The following PCDH15 variants were observed in gnomAD, a reference collection of about 807,000 sequenced individuals.
PCDH15 encodes protocadherin related 15.
In PCDH15, 129 loss-of-function variants were observed where a neutral mutation model predicts 178.5. The ratio of observed to expected loss-of-function variants is 0.72; its 90% CI spans 0.63 to 0.84. The LOEUF is 0.84. PCDH15 is among the 40% of genes least tolerant of loss of function. The probability of loss-of-function intolerance (pLI) is 0.00; values close to 1 mark genes in which losing one functional copy is unlikely to be tolerated. For missense variants in PCDH15, 2,230 were observed against 2,099.9 expected, an observed-to-expected ratio of 1.06 and a Z score of -1.21; for synonymous variants, 800 against 732.0, an observed-to-expected ratio of 1.09 and a Z score of -1.50.
At chr10:54,797,247 TC>T (rs1952128377) in intron 1 of PCDH15, among the ~76,000 whole-genome samples, 1 of 152,018 alleles carries the variant, frequency 6.6e-6, no homozygotes, top group Admixed American at 6.6e-5. Context: ...CAATTTCTTA[TC>T]CATCAAGGAA....
chr10:54,672,570 A>T (rs769347774), intron 1 of PCDH15, among the ~76,000 whole-genome samples: 1 of 152,148 alleles, frequency 6.6e-6, no homozygotes, highest in Non-Finnish European at 1.5e-5. Flanking sequence ...ACTCCAGGTG[A>T]CTTCTTGGAC....
intron 25 of PCDH15, among the ~76,000 whole-genome samples, chr10:53,918,605 A>C (rs2133852288): frequency 6.6e-6 from 1 of 152,300 alleles, no homozygotes; most frequent in Middle Eastern, 3.4e-3. Context: ...GGATTTATAA[A>C]TGTCTATGGT....
intron 2 of PCDH15, among the ~76,000 whole-genome samples, chr10:54,556,904 T>G (rs973255680): frequency 7.3e-5 from 11 of 151,074 alleles, no homozygotes; most frequent in African/African-American, 2.4e-4. Flanking sequence ...GTGGGAGGAG[T>G]AGGAGGCTGT....
rs182906755 is a variant in PCDH15 at position 54,383,048 on chromosome 10, G to A, written c.158-4106C>T. 1.7e-3 allele frequency among the ~76,000 whole-genome samples: 252 copies of A among 152,126 alleles called. 1 individual carries two copies. The highest frequency in any genetic ancestry group is 5.5e-3 in the African/African-American group (229 of 41,542). Reference sequence around the variant, plus strand: ...TAAAAATGAATGTAAGTGGAGGCACGCAACTACCCAATGAATAACATTTTT... The same window carrying A: ...TAAAAATGAATGTAAGTGGAGGCACACAACTACCCAATGAATAACATTTTT... On this transcript the variant is annotated intron_variant, in intron 3 of 37. Transcript: ENST00000644397.
At chr10:55,513,150 A>C (rs1840927091) in intron 2 of PCDH15, 1 of 152,188 alleles carries the variant, frequency 6.6e-6, no homozygotes, top group Admixed American at 6.6e-5. Flanking sequence ...GAAACTTAAG[A>C]GGATCCAACA....
intron 17 of PCDH15, among the ~76,000 whole-genome samples, chr10:54,069,984 C>T (rs72794993): frequency 0.21 from 32,032 of 151,938 alleles, 3,552 homozygotes; most frequent in Non-Finnish European, 0.25. Flanking sequence ...TACGTATTTT[C>T]CATCAACGGA....
At chr10:54,323,507 A>G (rs776721048) in intron 7 of PCDH15, among the ~76,000 whole-genome samples, 1 of 152,218 alleles carries the variant, frequency 6.6e-6, no homozygotes, top group Non-Finnish European at 1.5e-5. Flanking sequence ...AATGTGGTGC[A>G]TATACACCAC....
At chr10:54,158,605 C>A (rs1021738847) in intron 13 of PCDH15, among the ~76,000 whole-genome samples, 5 of 152,044 alleles carry the variant, frequency 3.3e-5, no homozygotes, top group African/African-American at 1.2e-4. Context: ...ATTGCTCTTT[C>A]CTGGTTCTGA....
chr10:54,901,068 T>A (rs1446057335), intron 2 of PCDH15, among the ~76,000 whole-genome samples: 1 of 151,870 alleles, frequency 6.6e-6, no homozygotes, highest in Non-Finnish European at 1.5e-5. Flanking sequence ...AATCCCAACA[T>A]TTTGGAAGGC....
intron 1 of PCDH15, among the ~76,000 whole-genome samples, chr10:55,170,576 G>A (rs550375404): frequency 6.6e-6 from 1 of 152,188 alleles, no homozygotes; most frequent in Admixed American, 6.5e-5. Flanking sequence ...TATGTACAGG[G>A]CACACTGGTA....
At chr10:54,109,161 T>C (rs2094969112) in intron 15 of PCDH15, among the ~76,000 whole-genome samples, 1 of 152,138 alleles carries the variant, frequency 6.6e-6, no homozygotes, top group Non-Finnish European at 1.5e-5. Context: ...ACAACTACTA[T>C]TGGCAACAGT....
intron 2 of PCDH15, among the ~76,000 whole-genome samples, chr10:54,906,675 G>A (rs1287020672): frequency 6.6e-6 from 1 of 152,086 alleles, no homozygotes; most frequent in Non-Finnish European, 1.5e-5. Context: ...AGGAGAGAGA[G>A]TGCCCAACAT....
chr10:55,564,484 C>T (rs1842261551), intron 2 of PCDH15, among the ~76,000 whole-genome samples: 1 of 151,510 alleles, frequency 6.6e-6, no homozygotes, highest in Non-Finnish European at 1.5e-5. Context: ...AAATAAATAA[C>T]AAAATGACAG....
At chr10:55,322,776 A>G (rs1843931711), upstream of PCDH15, among the ~76,000 whole-genome samples, 3 of 147,820 alleles carry the variant, frequency 2.0e-5, no homozygotes, top group Admixed American at 1.3e-4. Context: ...GAAAATTTGC[A>G]GCCTGATGAT....
At chr10:54,704,431 C>A (rs1465653422) in intron 1 of PCDH15, among the ~76,000 whole-genome samples, 1 of 151,888 alleles carries the variant, frequency 6.6e-6, no homozygotes, top group East Asian at 1.9e-4. Context: ...GGTCTAATAT[C>A]CGGAATTTCT....
intron 8 of PCDH15, among the ~76,000 whole-genome samples, chr10:54,293,384 T>C (rs959005361): frequency 6.6e-6 from 1 of 152,066 alleles, no homozygotes; most frequent in African/African-American, 2.4e-5. Flanking sequence ...ACCTAGGCAA[T>C]ACCATTCAGG....
intron 2 of PCDH15, among the ~76,000 whole-genome samples, chr10:55,592,545 T>G (rs1842863397): frequency 6.6e-6 from 1 of 152,184 alleles, no homozygotes; most frequent in South Asian, 2.1e-4. Flanking sequence ...TATTACTAAC[T>G]GAGAGGTTCT....
chr10:53,942,399 A>T (rs528102554), intron 23 of PCDH15, among the ~76,000 whole-genome samples: 2 of 152,204 alleles, frequency 1.3e-5, no homozygotes, highest in Non-Finnish European at 2.9e-5. Context: ...CCCATGGTAC[A>T]TGCATAAGCA....
intron 3 of PCDH15, among the ~76,000 whole-genome samples, chr10:54,830,529 A>T (rs1300652141): frequency 2.6e-5 from 4 of 151,936 alleles, no homozygotes; most frequent in Non-Finnish European, 5.9e-5. Context: ...GTGGGAATTG[A>T]ACAATGAGAA....
Sources: gnomAD v4.1 joint callset for allele counts (sites outside exome capture counted in the v4.1 genomes callset) on GRCh38, gnomAD v4.1.1 for gene constraint, MANE v1.5 for transcripts, NCBI Gene and HGNC (gene_info 2026-07-23, HGNC 2026-07-21) for gene names.